Variants in RABGAP1L observed in about 807,000 individuals in gnomAD.
RABGAP1L encodes RAB GTPase activating protein 1 like, also known as rab GTPase-activating protein 1-like.
In RABGAP1L, 63 loss-of-function variants were observed where a neutral mutation model predicts 137.7. That is an observed-to-expected ratio of 0.46 (90% CI 0.37 to 0.56). The LOEUF (loss-of-function observed/expected upper bound fraction) is 0.56, where lower values mean the gene tolerates loss of function less well. Ranked by LOEUF, RABGAP1L falls within the 20% of genes least tolerant of loss-of-function variation. The pLI is 0.00. For missense variants in RABGAP1L, 1,095 were observed against 1,244.0 expected (o/e 0.88, Z 1.80); for synonymous variants, 431 against 433.7 (o/e 0.99, Z 0.08).
chr1:174,381,361 T>A (rs1317670845), intron 12 of RABGAP1L, among the ~76,000 whole-genome samples: 6 of 142,474 alleles, frequency 4.2e-5, no homozygotes, highest in South Asian at 2.3e-4. Flanking sequence ...TTTCTGTCTC[T>A]TTGATCTGTC....
chr1:174,598,753 A>G lies in RABGAP1L; in HGVS notation c.1711-38622A>G, dbSNP rs138733226. ...TTTTTGGTTTTCATTTGCATGGAAT[A>G]TCTTTTCCCATTCCTTTATTTTTAG... On this transcript the variant is annotated intron_variant, in intron 13 of 25. Coordinates refer to ENST00000681986, the MANE Select transcript of RABGAP1L (RefSeq NM_001366446.1). Among the ~76,000 whole-genome samples, 765 of 152,128 alleles carry G rather than the reference A, an allele frequency of 5.0e-3. 6 individuals carry two copies. The highest frequency in any genetic ancestry group is 0.016 in the African/African-American group (662 of 41,520).
At chr1:174,618,517 T>A (rs1482353361) in intron 13 of RABGAP1L, among the ~76,000 whole-genome samples, 2 of 152,182 alleles carry the variant, frequency 1.3e-5, no homozygotes, top group Non-Finnish European at 2.9e-5. Flanking sequence ...CCACTGCTGA[T>A]ACCCAGGCAA....
At chr1:174,527,436 A>G (rs1663988241) in intron 13 of RABGAP1L, among the ~76,000 whole-genome samples, 1 of 151,820 alleles carries the variant, frequency 6.6e-6, no homozygotes, top group Admixed American at 6.6e-5. Context: ...TGAACTCCTG[A>G]CCTCAGGTGA....
At chr1:174,660,834 T>G (rs1676323571) in intron 14 of RABGAP1L, among the ~76,000 whole-genome samples, 2 of 152,228 alleles carry the variant, frequency 1.3e-5, no homozygotes, top group South Asian at 4.1e-4. Flanking sequence ...TGGAACCTCT[T>G]CTTAGCTCAG....
intron 13 of RABGAP1L, among the ~76,000 whole-genome samples, chr1:174,527,221 T>G (rs1202951350): frequency 2.9e-5 from 4 of 137,708 alleles, no homozygotes. Flanking sequence ...TTTTTTTTTT[T>G]GAGACAGAAT....
chr1:174,824,449 C>T (rs1401140564), intron 19 of RABGAP1L, among the ~76,000 whole-genome samples: 2 of 151,940 alleles, frequency 1.3e-5, no homozygotes, highest in African/African-American at 2.4e-5. Flanking sequence ...GAGCTGAGAT[C>T]GTGCCACTGC....
intron 13 of RABGAP1L, among the ~76,000 whole-genome samples, chr1:174,539,521 C>G: frequency 6.6e-6 from 1 of 152,150 alleles, no homozygotes; most frequent in East Asian, 1.9e-4. Flanking sequence ...CAATTCCCAC[C>G]TATGAGTGAG....
At position 174,311,723 on chromosome 1, in the gene RABGAP1L, C is replaced by G. The variant is rs915440868; in HGVS notation, c.1465+6596C>G. ...TTGGGTTCAAGCGATTCTCTTGCCT[C>G]AGCCTTCTGAGTAGCTGGGATTATG... On this transcript the variant is annotated intron_variant, in intron 11 of 25. Transcript: ENST00000681986. Among the ~76,000 whole-genome samples the G allele has an allele frequency of 3.9e-5, 6 of 152,206 alleles. No homozygotes were observed. In the East Asian group the frequency reaches 1.2e-3, roughly 29 times the overall value.
chr1:174,597,589 CT>C (rs1309977027), intron 13 of RABGAP1L, among the ~76,000 whole-genome samples: 2 of 151,270 alleles, frequency 1.3e-5, no homozygotes, highest in Non-Finnish European at 3.0e-5. Flanking sequence ...ATTTATTTGT[CT>C]TCTCTCTTTT....
At chr1:174,863,782 C>A (rs1434107108) in intron 19 of RABGAP1L, among the ~76,000 whole-genome samples, 2 of 151,966 alleles carry the variant, frequency 1.3e-5, no homozygotes, top group East Asian at 3.9e-4. Flanking sequence ...GAGTTCGAGA[C>A]CAGCCTGGCC....
intron 11 of RABGAP1L, among the ~76,000 whole-genome samples, chr1:174,361,836 A>C (rs1426751350): frequency 1.3e-5 from 2 of 152,214 alleles, no homozygotes; most frequent in African/African-American, 4.8e-5. Context: ...TTACATAGGT[A>C]AATGTGTGTC....
chr1:174,826,852 G>A (rs1201993554), intron 19 of RABGAP1L, among the ~76,000 whole-genome samples: 1 of 152,084 alleles, frequency 6.6e-6, no homozygotes, highest in Non-Finnish European at 1.5e-5. Flanking sequence ...GTGTGACATG[G>A]TATCTCATTG....
chr1:174,391,458 AG>A (rs1327887027), intron 12 of RABGAP1L, among the ~76,000 whole-genome samples: 1 of 152,196 alleles, frequency 6.6e-6, no homozygotes, highest in Non-Finnish European at 1.5e-5. Flanking sequence ...CTGGAACTAC[AG>A]GCACATGCCA....
chr1:174,219,579 T>C (rs1010962312), intron 2 of RABGAP1L, among the ~76,000 whole-genome samples: 5 of 152,206 alleles, frequency 3.3e-5, no homozygotes, highest in African/African-American at 1.2e-4. Context: ...TACATTACTT[T>C]ATCTGGATGT....
At chr1:174,977,243 T>C (rs1364594555) in intron 22 of RABGAP1L, among the ~76,000 whole-genome samples, 1 of 152,256 alleles carries the variant, frequency 6.6e-6, no homozygotes, top group Non-Finnish European at 1.5e-5. Context: ...TGGAATCTGA[T>C]TTAATGAGTC....
intron 14 of RABGAP1L, among the ~76,000 whole-genome samples, chr1:174,678,702 G>T (rs1318667211): frequency 6.6e-6 from 1 of 152,176 alleles, no homozygotes; most frequent in Admixed American, 6.5e-5. Context: ...TCTGACCTGG[G>T]GTTCTTGGCC....
chr1:174,745,978 C>T lies in RABGAP1L; in HGVS notation c.2170-6335C>T, dbSNP rs916557994. 2.5e-4 allele frequency among the ~76,000 whole-genome samples: 38 copies of T among 152,164 alleles called. 1 individual carries two copies. The highest frequency in any genetic ancestry group is 2.4e-4 in the Non-Finnish European group (16 of 68,012). On this transcript the variant is annotated intron_variant, in intron 17 of 25. Transcript: ENST00000681986. ...CCATTATTTCCCTTTTATTTTGATT[C>T]CTAAGAACCCAGGTGCTGATGCACA...
At chr1:174,395,499 T>C (rs1433224009) in intron 13 of RABGAP1L, among the ~76,000 whole-genome samples, 1 of 152,170 alleles carries the variant, frequency 6.6e-6, no homozygotes, top group Non-Finnish European at 1.5e-5. Context: ...TTGAAACATA[T>C]GGCGGTTTAA....
chr1:174,633,666 G>T (rs1673648335), intron 13 of RABGAP1L, among the ~76,000 whole-genome samples: 1 of 114,670 alleles, frequency 8.7e-6, no homozygotes, highest in South Asian at 2.6e-4. Flanking sequence ...AAACAGCATG[G>T]TAGTGGTACC....
Sources: gnomAD v4.1 joint callset for allele counts (sites outside exome capture counted in the v4.1 genomes callset) on GRCh38, gnomAD v4.1.1 for gene constraint, MANE v1.5 for transcripts, NCBI Gene and HGNC (gene_info 2026-07-23, HGNC 2026-07-21) for gene names.